The following STXBP5L variants were observed in gnomAD, a reference collection of about 807,000 sequenced individuals.
STXBP5L encodes syntaxin-binding protein 5-like.
In STXBP5L, 65 loss-of-function variants were observed where a neutral mutation model predicts 144.5. The ratio of observed to expected loss-of-function variants is 0.45; its 90% CI spans 0.37 to 0.55. The LOEUF is 0.55. Among genes scored for constraint, STXBP5L ranks in the 20% least tolerant of loss-of-function variants. The pLI, the probability that STXBP5L is intolerant of heterozygous loss-of-function variation, is 0.00. For synonymous variants in STXBP5L, 505 were observed against 469.6 expected, an observed-to-expected ratio of 1.08 and a Z score of -0.97; for missense variants, 1,298 against 1,405.5, an observed-to-expected ratio of 0.92 and a Z score of 1.22.
At chr3:120,968,191 C>T (rs1225974236) in intron 3 of STXBP5L, among the ~76,000 whole-genome samples, 2 of 152,142 alleles carry the variant, frequency 1.3e-5, no homozygotes, top group African/African-American at 4.8e-5. Flanking sequence ...TAATGCTGAA[C>T]ATGGAGTGCT....
At chr3:121,050,125 T>G (rs1947848351) in intron 5 of STXBP5L, among the ~76,000 whole-genome samples, 1 of 152,186 alleles carries the variant, frequency 6.6e-6, no homozygotes. Context: ...TCCCCATGTT[T>G]CCACCTGGAT....
At chr3:121,098,144 T>C (rs1307035930) in intron 5 of STXBP5L, among the ~76,000 whole-genome samples, 1 of 152,208 alleles carries the variant, frequency 6.6e-6, no homozygotes, top group African/African-American at 2.4e-5. Flanking sequence ...TATCTTGATA[T>C]GTTTTTTAGA....
At chr3:121,216,862 C>T (rs2048795301) in intron 10 of STXBP5L, among the ~76,000 whole-genome samples, 1 of 152,162 alleles carries the variant, frequency 6.6e-6, no homozygotes, top group Non-Finnish European at 1.5e-5. Flanking sequence ...TGCTGCCTGT[C>T]TTTCAGAGAT....
At chr3:120,999,509 G>A (rs889519754) in intron 3 of STXBP5L, among the ~76,000 whole-genome samples, 1 of 152,162 alleles carries the variant, frequency 6.6e-6, no homozygotes, top group Admixed American at 6.5e-5. Flanking sequence ...ACAGTTGGGT[G>A]TTGCTTCTTT....
intron 2 of STXBP5L, among the ~76,000 whole-genome samples, chr3:120,933,505 T>A (rs1710077060): frequency 6.6e-6 from 1 of 152,166 alleles, no homozygotes; most frequent in African/African-American, 2.4e-5. Flanking sequence ...GGTAAAATAA[T>A]ATCTTTAACA....
chr3:121,392,150 A>G (rs1212611628), intron 22 of STXBP5L, among the ~76,000 whole-genome samples: 1 of 151,068 alleles, frequency 6.6e-6, no homozygotes, highest in Non-Finnish European at 1.5e-5. Flanking sequence ...TTGCAGATCA[A>G]TCTCAGACTG....
chr3:120,908,372 ACGC>A, intron 1 of STXBP5L, 38 bp downstream of exon 1: 3 of 155,606 alleles, frequency 1.9e-5, no homozygotes, highest in Non-Finnish European at 4.3e-5. Flanking sequence ...TCCCTCTGGG[ACGC>A]CGCCGCCGCT....
intron 18 of STXBP5L, among the ~76,000 whole-genome samples, chr3:121,278,775 TGTAA>T (rs1238852669): frequency 1.3e-5 from 2 of 151,878 alleles, no homozygotes; most frequent in Non-Finnish European, 2.9e-5. Flanking sequence ...TCACATATCC[TGTAA>T]GTGATAGAGA....
chr3:121,033,933 T>C lies in STXBP5L; in HGVS notation c.288-7767T>C, dbSNP rs140072961. 7.5e-3 allele frequency among the ~76,000 whole-genome samples: 1,139 copies of C among 152,206 alleles called. 13 individuals carry two copies. The highest frequency in any genetic ancestry group is 0.026 in the African/African-American group (1,090 of 41,566). ...AGATCTTGAAATATTTTAACTCTTA[T>C]TAAAAATAGTATTTTCTCATGCCAT... On this transcript the variant is annotated intron_variant, in intron 3 of 26. Transcript: ENST00000471454.
At chr3:121,060,408 A>T (rs1490909382) in intron 5 of STXBP5L, among the ~76,000 whole-genome samples, 1 of 152,172 alleles carries the variant, frequency 6.6e-6, no homozygotes, top group African/African-American at 2.4e-5. Flanking sequence ...ATCGATATTC[A>T]TCAGGGATAT....
intron 22 of STXBP5L, among the ~76,000 whole-genome samples, chr3:121,404,484 A>T (rs1284904251): frequency 6.6e-6 from 1 of 152,056 alleles, no homozygotes; most frequent in Non-Finnish European, 1.5e-5. Flanking sequence ...GTTAGATTAC[A>T]TCACTTCCAT....
At chr3:121,281,471 G>A (rs1174774749) in intron 19 of STXBP5L, among the ~76,000 whole-genome samples, 1 of 151,896 alleles carries the variant, frequency 6.6e-6, no homozygotes, top group African/African-American at 2.4e-5. Context: ...GGTGTTAGGG[G>A]GCAGTAGGCT....
intron 8 of STXBP5L, among the ~76,000 whole-genome samples, chr3:121,156,842 G>A (rs1355416110): frequency 3.9e-5 from 6 of 152,004 alleles, no homozygotes; most frequent in African/African-American, 1.4e-4. Flanking sequence ...GTATATGGGA[G>A]GATATTCATA....
chr3:120,988,979 G>A (rs184150629), intron 3 of STXBP5L, among the ~76,000 whole-genome samples: 104 of 152,004 alleles, frequency 6.8e-4, no homozygotes, highest in African/African-American at 2.4e-3. Flanking sequence ...CCTTGTTTTT[G>A]CAAAAGACAT....
chr3:121,392,126 G>T (rs1036115096), intron 22 of STXBP5L, among the ~76,000 whole-genome samples: 5 of 152,064 alleles, frequency 3.3e-5, no homozygotes, highest in Middle Eastern at 3.2e-3. Flanking sequence ...CCCCTCCCCA[G>T]CCAGGCTGCC....
intron 3 of STXBP5L, among the ~76,000 whole-genome samples, chr3:120,976,393 C>T (rs970784346): frequency 1.3e-5 from 2 of 151,476 alleles, no homozygotes; most frequent in African/African-American, 2.4e-5. Flanking sequence ...TGGTGATATC[C>T]CCTCTATCAT....
At chr3:121,270,427 C>T (rs1348683746) in intron 18 of STXBP5L, among the ~76,000 whole-genome samples, 2 of 151,858 alleles carry the variant, frequency 1.3e-5, no homozygotes, top group East Asian at 3.9e-4. Context: ...TTCATTTCTT[C>T]TTAGTCTCCT....
At chr3:120,967,558 AT>A (rs1173721391) in intron 3 of STXBP5L, among the ~76,000 whole-genome samples, 2 of 151,974 alleles carry the variant, frequency 1.3e-5, no homozygotes, top group African/African-American at 2.4e-5. Flanking sequence ...TCAAAACATC[AT>A]TTTTATTTTG....
intron 7 of STXBP5L, among the ~76,000 whole-genome samples, chr3:121,138,996 AAT>A (rs2045381040): frequency 6.6e-6 from 1 of 152,026 alleles, no homozygotes; most frequent in Non-Finnish European, 1.5e-5. Context: ...TAGAAAAATA[AAT>A]ATGTTCTTAC....
Sources: allele counts gnomAD v4.1 joint callset (sites outside exome capture counted in the v4.1 genomes callset), GRCh38; gene constraint gnomAD v4.1.1; transcripts MANE v1.5; gene names NCBI Gene and HGNC (gene_info 2026-07-23, HGNC 2026-07-21).